The following FASTKD2 variants were observed in gnomAD, a reference collection of about 807,000 sequenced individuals.
FASTKD2 encodes FAST kinase domain-containing protein 2, mitochondrial.
In FASTKD2, 51 loss-of-function variants were observed where a neutral mutation model predicts 63.6. That is an observed-to-expected ratio of 0.80 (90% CI 0.64 to 1.01). FASTKD2 has a LOEUF of 1.01. Ranked by LOEUF, FASTKD2 falls within the 50% of genes least tolerant of loss-of-function variation. FASTKD2 has a pLI of 0.00. For missense variants in FASTKD2, 786 were observed against 831.1 expected (o/e 0.95, Z 0.67); for synonymous variants, 284 against 293.4 (o/e 0.97, Z 0.33).
chr2:206,768,276 C>G (rs368258764), intron 2 of FASTKD2, among the ~76,000 whole-genome samples: 25 of 152,120 alleles, frequency 1.6e-4, no homozygotes, highest in African/African-American at 5.8e-4. Context: ...CATTTTTAGT[C>G]TAAAGCAAGA....
At chr2:206,787,752 T>G (rs1690173140) in intron 8 of FASTKD2, among the ~76,000 whole-genome samples, 185 bp from the exon 9 acceptor site, 1 of 152,172 alleles carries the variant, frequency 6.6e-6, no homozygotes, top group Non-Finnish European at 1.5e-5. Flanking sequence ...GGCTTTGATT[T>G]AGACCCTGTG....
chr2:206,788,267 T>A, intron 9 of FASTKD2, 112 bp downstream of exon 9: 1 of 693,434 alleles, frequency 1.4e-6, no homozygotes, highest in East Asian at 2.7e-5. Flanking sequence ...GCATTGCCTC[T>A]GGAACTGGCC....
chr2:206,785,356 CAG>C (rs775659256), intron 7 of FASTKD2, among the ~76,000 whole-genome samples: 1 of 152,000 alleles, frequency 6.6e-6, no homozygotes, highest in Non-Finnish European at 1.5e-5. Flanking sequence ...AGAGGAGGGT[CAG>C]GGGATATCAG....
chr2:206,793,296 A>G lies in FASTKD2; in HGVS notation c.*1494A>G, dbSNP rs890863510. Among the ~76,000 whole-genome samples, 1 of 151,664 alleles carries G rather than the reference A, an allele frequency of 6.6e-6. No homozygotes were observed. Among genetic ancestry groups the G allele is most frequent in the African/African-American group, 2.4e-5 (1 of 41,306 alleles). ...TGACAACAGCTGCCAGGTTGTATCAATTTATCCAGCTTGCATTTAGAAAAG... is the reference window on the plus strand; with the variant it reads ...TGACAACAGCTGCCAGGTTGTATCAGTTTATCCAGCTTGCATTTAGAAAAG... On this transcript the variant is annotated 3_prime_UTR_variant, in exon 12 of 12. Coordinates refer to ENST00000402774, the MANE Select transcript of FASTKD2 (RefSeq NM_001136193.2).
At chr2:206,791,640 G>C in intron 11 of FASTKD2, 43 bp from the exon 12 acceptor site, 3 of 1,597,008 alleles carry the variant, frequency 1.9e-6, no homozygotes, top group Non-Finnish European at 2.6e-6. Context: ...TCTTTTGTTA[G>C]TATCGTCTCA....
intron 7 of FASTKD2, among the ~76,000 whole-genome samples, chr2:206,784,999 A>G (rs962491650): frequency 1.3e-5 from 2 of 152,222 alleles, no homozygotes; most frequent in African/African-American, 4.8e-5. Context: ...ACTTTACAAA[A>G]GAAAGAGGTT....
intron 6 of FASTKD2, among the ~76,000 whole-genome samples, chr2:206,772,684 A>G (rs1689717516): frequency 6.6e-6 from 1 of 152,208 alleles, no homozygotes; most frequent in Non-Finnish European, 1.5e-5. Context: ...GCAGCTCCCA[A>G]TCAGCTGTGC....
chr2:206,786,394 G>C (rs1452948206), intron 7 of FASTKD2, among the ~76,000 whole-genome samples: 1 of 152,154 alleles, frequency 6.6e-6, no homozygotes, highest in East Asian at 1.9e-4. Flanking sequence ...TTCTAATACT[G>C]CCTTTGCTAC....
At chr2:206,782,213 A>G (rs1052410169) in intron 7 of FASTKD2, among the ~76,000 whole-genome samples, 2 of 152,156 alleles carry the variant, frequency 1.3e-5, no homozygotes, top group Non-Finnish European at 1.5e-5. Context: ...GTCCTAGGCC[A>G]AGGTGATCTC....
chr2:206,778,250 A>T (rs1689874918), intron 7 of FASTKD2, among the ~76,000 whole-genome samples: 2 of 148,404 alleles, frequency 1.3e-5, no homozygotes, highest in African/African-American at 5.0e-5. Flanking sequence ...TTTTTATTTG[A>T]TAGCTTTCTT....
chr2:206,787,674 T>C (rs1414328028), intron 8 of FASTKD2, among the ~76,000 whole-genome samples: 1 of 152,056 alleles, frequency 6.6e-6, no homozygotes, highest in Non-Finnish European at 1.5e-5. Flanking sequence ...TCCTTATCCA[T>C]AAATTGAGGA....
chr2:206,781,893 G>A (rs1689994363), intron 7 of FASTKD2, among the ~76,000 whole-genome samples: 1 of 152,046 alleles, frequency 6.6e-6, no homozygotes, highest in Non-Finnish European at 1.5e-5. Flanking sequence ...CTCCTTGTGA[G>A]GTGAGATAGA....
At chr2:206,789,946 A>G (rs573769976) in intron 10 of FASTKD2, 2 of 152,640 alleles carry the variant, frequency 1.3e-5, no homozygotes, top group African/African-American at 4.8e-5. Flanking sequence ...CAGCCAGAGT[A>G]TAGGTGAAGG....
Position 206,771,247 on chromosome 2 carries a change from G to A in FASTKD2, c.947G>A (p.Cys316Tyr), listed in dbSNP as rs774603398. 3 of 1,612,324 alleles carry A rather than the reference G, an allele frequency of 1.9e-6. No individual in the cohort carries two copies. The highest frequency in any genetic ancestry group is 2.5e-6 in the Non-Finnish European group (3 of 1,178,482). The change falls in exon 4 of 12, where the codon TGT becomes TAT. Residue 316 changes from cysteine (C) to tyrosine (Y), a missense_variant. Physicochemically the swap from Cys to Tyr is radical, Grantham distance 194. Coordinates refer to ENST00000402774, the MANE Select transcript of FASTKD2 (RefSeq NM_001136193.2). The part of the protein sequence containing the change: ...DVFTLQVVMK[C>Y]IGKDAPIALK... ...TTCACATTACAAGTTGTGATGAAGT[G>A]TATTGGAAAAGATGCACCGATTGCT...
intron 11 of FASTKD2, 161 bp from the exon 12 acceptor site, chr2:206,791,522 A>G (rs1690285115): frequency 3.0e-6 from 2 of 655,914 alleles, no homozygotes; most frequent in Non-Finnish European, 5.4e-6. Flanking sequence ...AAACCCTAGC[A>G]TGTAGTCTTA....
In FASTKD2 at chr2:206,793,534, C is replaced by G. The variant is rs912352029; in HGVS notation, c.*1732C>G. ...ACAACCTCTAGTTTTGTATACTTGG[C>G]CAAGTGATTTAACCTTATAAGCTTC... On this transcript the variant is annotated 3_prime_UTR_variant, in exon 12 of 12. Transcript: ENST00000402774. 1.3e-5 allele frequency among the ~76,000 whole-genome samples: 2 copies of G among 152,032 alleles called. No individual in the cohort carries two copies. Among genetic ancestry groups the G allele is most frequent in the African/African-American group, 4.8e-5 (2 of 41,380 alleles).
At position 206,767,404 on chromosome 2, in the gene FASTKD2, C is replaced by G; in HGVS notation, c.711C>G (p.His237Gln). 1 of 1,613,610 alleles carries G rather than the reference C, an allele frequency of 6.2e-7. No homozygotes were observed. Among genetic ancestry groups the G allele is most frequent in the African/African-American group, 1.3e-5 (1 of 75,058 alleles). ...MQYKYLLFSL[H>Q]AIVKLGIPQN... ...ATAAGTACCTACTGTTCAGTCTTCA[C>G]GCCATAGTGAAGCTTGGAATCCCTC... The change falls in exon 2 of 12, where the codon CAC becomes CAG. Residue 237 changes from histidine (H) to glutamine (Q), a missense_variant. Coordinates refer to ENST00000402774, the MANE Select transcript of FASTKD2 (RefSeq NM_001136193.2).
intron 3 of FASTKD2, 148 bp downstream of exon 3, chr2:206,770,342 A>T: frequency 1.5e-6 from 1 of 689,134 alleles, no homozygotes; most frequent in Non-Finnish European, 2.6e-6. Flanking sequence ...TTCATACCTT[A>T]TTAAGCTTAA....
rs751406725 is a variant in FASTKD2, at chr2:206,766,654, G to A, written c.-40G>A. 25 of 1,545,670 alleles carry A rather than the reference G, an allele frequency of 1.6e-5. No homozygotes were observed. The highest frequency in any genetic ancestry group is 5.4e-5 in the African/African-American group (4 of 73,416). On this transcript the variant is annotated 5_prime_UTR_variant, in exon 2 of 12. Transcript: ENST00000402774. Reference sequence around the variant, plus strand: ...CTTCTTCCCCTACAGGAAAACGACAGCACGTGTTCTTTTTCACTAGTAGAA... The same window carrying A: ...CTTCTTCCCCTACAGGAAAACGACAACACGTGTTCTTTTTCACTAGTAGAA...
Sources: allele counts gnomAD v4.1 joint callset (sites outside exome capture counted in the v4.1 genomes callset), GRCh38; gene constraint gnomAD v4.1.1; transcripts MANE v1.5; gene names NCBI Gene and HGNC (gene_info 2026-07-23, HGNC 2026-07-21).